ASAP1: variants seen among roughly 807,000 people sequenced by gnomAD.
ASAP1 encodes the protein ArfGAP with SH3 domain, ankyrin repeat and PH domain 1.
A neutral mutation model predicts 145.2 loss-of-function variants in ASAP1; 43 were observed. The observed-to-expected ratio is 0.30, with a 90% CI of 0.23 to 0.38. The LOEUF (loss-of-function observed/expected upper bound fraction) is 0.38, where lower values mean the gene tolerates loss of function less well. Ranked by LOEUF, ASAP1 falls within the 10% of genes least tolerant of loss-of-function variation. The pLI is 1.00. For synonymous variants in ASAP1, 546 were observed against 515.5 expected (o/e 1.06, Z -0.80); for missense variants, 1,018 against 1,355.3 (o/e 0.75, Z 3.91).
intron 1 of ASAP1, among the ~76,000 whole-genome samples, chr8:130,415,249 G>C (rs2138666477): frequency 6.6e-6 from 1 of 151,494 alleles, no homozygotes; most frequent in African/African-American, 2.5e-5. Context: ...CAGAAGGATA[G>C]CTTGAGGCTA....
intron 2 of ASAP1, among the ~76,000 whole-genome samples, chr8:130,391,154 ATTATG>A (rs1270324748): frequency 7.5e-6 from 1 of 133,804 alleles, no homozygotes; most frequent in Non-Finnish European, 1.7e-5. Flanking sequence ...CCTTGAGGAC[ATTATG>A]TTAAGTAAGG....
intron 3 of ASAP1, among the ~76,000 whole-genome samples, chr8:130,335,676 A>G (rs558283335): frequency 3.9e-4 from 59 of 152,336 alleles, no homozygotes; most frequent in African/African-American, 1.4e-3. Flanking sequence ...CAGTTGATCA[A>G]GAGTACAGCA....
At chr8:130,310,441 G>A (rs1438364119) in intron 3 of ASAP1, among the ~76,000 whole-genome samples, 1 of 152,150 alleles carries the variant, frequency 6.6e-6, no homozygotes, top group Non-Finnish European at 1.5e-5. Context: ...TACTCGGAAA[G>A]ATAGGGGTGA....
chr8:130,309,926 T>C (rs1313130007), intron 3 of ASAP1, among the ~76,000 whole-genome samples: 1 of 152,206 alleles, frequency 6.6e-6, no homozygotes, highest in East Asian at 1.9e-4. Context: ...TTTAGACATA[T>C]TTTTATGATG....
intron 5 of ASAP1, among the ~76,000 whole-genome samples, chr8:130,208,967 A>C (rs1001712119): frequency 4.6e-5 from 7 of 152,126 alleles, no homozygotes; most frequent in Admixed American, 4.6e-4. Flanking sequence ...AGAAAGATAA[A>C]CTCCAAGTGT....
intron 3 of ASAP1, among the ~76,000 whole-genome samples, chr8:130,242,686 A>C (rs1032630670): frequency 6.6e-6 from 1 of 152,162 alleles, no homozygotes; most frequent in African/African-American, 2.4e-5. Context: ...ATGCTAGAAC[A>C]TATACGTGAA....
intron 3 of ASAP1, among the ~76,000 whole-genome samples, chr8:130,275,003 T>C (rs936123241): frequency 1.3e-5 from 2 of 152,226 alleles, no homozygotes; most frequent in East Asian, 3.8e-4. Context: ...AGCTCCATAT[T>C]CAACTCCTAG....
intron 18 of ASAP1, among the ~76,000 whole-genome samples, chr8:130,123,714 C>G (rs1313743051): frequency 6.6e-6 from 1 of 152,116 alleles, no homozygotes. Context: ...GCAAGCTCCG[C>G]CTCCCGGGTT....
At chr8:130,249,634 T>C (rs1819070356) in intron 3 of ASAP1, among the ~76,000 whole-genome samples, 1 of 152,184 alleles carries the variant, frequency 6.6e-6, no homozygotes, top group African/African-American at 2.4e-5. Context: ...TGAGAGCACC[T>C]GCCAGGTTAT....
intron 1 of ASAP1, among the ~76,000 whole-genome samples, chr8:130,416,155 C>T (rs1035945088): frequency 6.6e-6 from 1 of 152,130 alleles, no homozygotes; most frequent in East Asian, 1.9e-4. Context: ...ACCACAGGCC[C>T]GACGCCACTC....
At chr8:130,178,161 T>C (rs1814096040) in intron 9 of ASAP1, among the ~76,000 whole-genome samples, 1 of 152,244 alleles carries the variant, frequency 6.6e-6, no homozygotes, top group Non-Finnish European at 1.5e-5. Flanking sequence ...AATTATGAAT[T>C]TAACTTTTTT....
intron 5 of ASAP1, among the ~76,000 whole-genome samples, chr8:130,191,467 C>T (rs1467574740): frequency 9.2e-5 from 14 of 152,208 alleles, no homozygotes; most frequent in Admixed American, 9.2e-4. Context: ...CTGTGCCACA[C>T]ACTACACTAG....
At chr8:130,129,959 C>A (rs779861025) in intron 15 of ASAP1, among the ~76,000 whole-genome samples, 4 of 152,146 alleles carry the variant, frequency 2.6e-5, no homozygotes, top group Non-Finnish European at 5.9e-5. Context: ...AAAAACAAAT[C>A]AAGAACCTGG....
intron 3 of ASAP1, among the ~76,000 whole-genome samples, chr8:130,289,973 A>AT (rs1821851217): frequency 6.6e-6 from 1 of 152,190 alleles, no homozygotes; most frequent in Non-Finnish European, 1.5e-5. Context: ...AGAACAGCAA[A>AT]TAACAGTGGA....
intron 13 of ASAP1, among the ~76,000 whole-genome samples, chr8:130,151,839 G>A (rs2097647067): frequency 6.6e-6 from 1 of 152,200 alleles, no homozygotes; most frequent in South Asian, 2.1e-4. Context: ...GGAAGAGAGA[G>A]AAAGGCCACA....
chr8:130,257,827 G>C (rs75301843), intron 3 of ASAP1, among the ~76,000 whole-genome samples: 3,962 of 136,608 alleles, frequency 0.029, 64 homozygotes, highest in Middle Eastern at 0.052. Context: ...ACTAATCTCA[G>C]AAGTAGTTCT....
At chr8:130,284,778 C>T (rs1821494133) in intron 3 of ASAP1, among the ~76,000 whole-genome samples, 1 of 151,884 alleles carries the variant, frequency 6.6e-6, no homozygotes, top group Non-Finnish European at 1.5e-5. Context: ...CTAATATTCC[C>T]TCCCCCCATA....
At chr8:130,240,342 A>G (rs951069430) in intron 3 of ASAP1, among the ~76,000 whole-genome samples, 3 of 152,064 alleles carry the variant, frequency 2.0e-5, no homozygotes, top group Non-Finnish European at 4.4e-5. Flanking sequence ...ACTGGCAAAA[A>G]TAAGCTAAAT....
At chr8:130,179,182 G>C (rs1327811098) in intron 9 of ASAP1, 82 bp downstream of exon 9, 1 of 816,038 alleles carries the variant, frequency 1.2e-6, no homozygotes, top group Non-Finnish European at 2.0e-6. Flanking sequence ...ATGAAGAAAA[G>C]ATATGAAGAG....
Sources: allele counts gnomAD v4.1 joint callset (sites outside exome capture counted in the v4.1 genomes callset), GRCh38; gene constraint gnomAD v4.1.1; transcripts MANE v1.5; gene names NCBI Gene and HGNC (gene_info 2026-07-23, HGNC 2026-07-21).